ARHGAP10: variants seen among roughly 807,000 people sequenced by gnomAD.
The protein encoded by ARHGAP10 is rho GTPase-activating protein 10.
Under a neutral mutation model 108.6 loss-of-function variants are expected in ARHGAP10, and 87 were observed. The observed-to-expected ratio is 0.80, with a 90% CI of 0.67 to 0.96. The LOEUF (loss-of-function observed/expected upper bound fraction) is 0.96. ARHGAP10 is among the 40% of genes least tolerant of loss of function. The pLI is 0.00. For missense variants in ARHGAP10, 939 were observed against 954.5 expected (o/e 0.98, Z 0.21); for synonymous variants, 347 against 341.1 (o/e 1.02, Z -0.19).
At chr4:148,055,796 A>T (rs1345432827) in intron 20 of ARHGAP10, among the ~76,000 whole-genome samples, 2 of 152,118 alleles carry the variant, frequency 1.3e-5, no homozygotes, top group East Asian at 3.9e-4. Context: ...AGATGATCTT[A>T]TACAGTTGAA....
chr4:147,852,730 T>A (rs1560790722), intron 4 of ARHGAP10, among the ~76,000 whole-genome samples: 3 of 16,330 alleles, frequency 1.8e-4, no homozygotes, highest in African/African-American at 6.3e-4. Context: ...TTTTTTTTTT[T>A]AAAATGGAGC....
chr4:147,890,493 G>T (rs1303818204), intron 10 of ARHGAP10, among the ~76,000 whole-genome samples: 1 of 152,268 alleles, frequency 6.6e-6, no homozygotes, highest in Admixed American at 6.5e-5. Context: ...ACAATGAAAT[G>T]GTCAAAAGAC....
At chr4:147,869,722 C>T (rs1458585773) in intron 7 of ARHGAP10, among the ~76,000 whole-genome samples, 4 of 151,898 alleles carry the variant, frequency 2.6e-5, no homozygotes, top group Admixed American at 6.6e-5. Flanking sequence ...TCTTACAACT[C>T]AGAGTTTCTC....
chr4:147,781,504 C>T (rs1210010470), intron 1 of ARHGAP10, among the ~76,000 whole-genome samples: 1 of 152,016 alleles, frequency 6.6e-6, no homozygotes, highest in African/African-American at 2.4e-5. Flanking sequence ...TTGTCAAGAC[C>T]CTCAACTATG....
intron 1 of ARHGAP10, among the ~76,000 whole-genome samples, chr4:147,737,589 G>C (rs960810318): frequency 6.6e-6 from 1 of 152,058 alleles, no homozygotes; most frequent in African/African-American, 2.4e-5. Flanking sequence ...ATTTTTTCCC[G>C]AATGGAAAGG....
At chr4:147,754,740 T>C (rs1043967787) in intron 1 of ARHGAP10, among the ~76,000 whole-genome samples, 5 of 152,158 alleles carry the variant, frequency 3.3e-5, no homozygotes, top group African/African-American at 1.2e-4. Flanking sequence ...CAAATATAAA[T>C]GATTTTGCTA....
At chr4:147,974,047 A>G (rs1012523345) in intron 18 of ARHGAP10, among the ~76,000 whole-genome samples, 3 of 152,120 alleles carry the variant, frequency 2.0e-5, no homozygotes, top group East Asian at 3.8e-4. Context: ...TCTTTTGGGT[A>G]TACACCTAGC....
chr4:147,952,721 T>TC (rs1738651664), intron 15 of ARHGAP10, among the ~76,000 whole-genome samples: 1 of 152,138 alleles, frequency 6.6e-6, no homozygotes, highest in African/African-American at 2.4e-5. Flanking sequence ...TTTTGTTCTC[T>TC]CAATAGTGTC....
chr4:147,854,733 A>G (rs2126828581), intron 4 of ARHGAP10: 3 of 984,754 alleles, frequency 3.0e-6, no homozygotes, highest in Non-Finnish European at 3.6e-6. Flanking sequence ...CATTAAGAAC[A>G]AATGCAGGAA....
chr4:147,997,573 T>C (rs1011910988), intron 18 of ARHGAP10, among the ~76,000 whole-genome samples: 5 of 152,160 alleles, frequency 3.3e-5, no homozygotes, highest in African/African-American at 9.7e-5. Context: ...GCATTGGATG[T>C]GGAGGACAAA....
chr4:147,888,069 C>G (rs1735641476), intron 10 of ARHGAP10, among the ~76,000 whole-genome samples: 1 of 152,152 alleles, frequency 6.6e-6, no homozygotes, highest in African/African-American at 2.4e-5. Context: ...CTCCATCATA[C>G]ACTTGCTTCA....
chr4:147,820,835 C>T (rs2126784352), intron 1 of ARHGAP10, among the ~76,000 whole-genome samples: 1 of 152,204 alleles, frequency 6.6e-6, no homozygotes, highest in Non-Finnish European at 1.5e-5. Context: ...AAGTGATCTG[C>T]CCACCTTGGC....
At chr4:147,775,171 C>T (rs544750192) in intron 1 of ARHGAP10, among the ~76,000 whole-genome samples, 1 of 152,202 alleles carries the variant, frequency 6.6e-6, no homozygotes, top group Admixed American at 6.5e-5. Flanking sequence ...CCTCGGCCCC[C>T]CAAAGTGCTG....
intron 1 of ARHGAP10, among the ~76,000 whole-genome samples, chr4:147,815,713 G>T (rs913037803): frequency 1.7e-5 from 1 of 60,568 alleles, no homozygotes; most frequent in Non-Finnish European, 3.2e-5. Context: ...AAAAATAGGC[G>T]ATAGGCGTGG....
chr4:147,909,703 A>C (rs779600081), intron 11 of ARHGAP10, 29 bp from the exon 12 acceptor site: 13 of 1,591,950 alleles, frequency 8.2e-6, no homozygotes, highest in East Asian at 2.2e-5. Context: ...TTGATTAAAA[A>C]ATTCTGTTTT....
At chr4:147,989,359 G>A (rs1482075461) in intron 18 of ARHGAP10, among the ~76,000 whole-genome samples, 2 of 152,270 alleles carry the variant, frequency 1.3e-5, no homozygotes, top group African/African-American at 4.8e-5. Context: ...CATCTTATCA[G>A]GAGACAGGGT....
intron 18 of ARHGAP10, among the ~76,000 whole-genome samples, chr4:147,989,498 C>T (rs1385357346): frequency 6.6e-6 from 1 of 152,088 alleles, no homozygotes; most frequent in Non-Finnish European, 1.5e-5. Flanking sequence ...ACAGGTACGC[C>T]CTGGGGGGAC....
At chr4:148,001,835 A>G (rs1372160631) in intron 18 of ARHGAP10, among the ~76,000 whole-genome samples, 1 of 152,150 alleles carries the variant, frequency 6.6e-6, no homozygotes, top group Admixed American at 6.5e-5. Context: ...GGGTTTTCTA[A>G]ATATGCAGTC....
intron 13 of ARHGAP10, among the ~76,000 whole-genome samples, chr4:147,921,311 G>A (rs1331331887): frequency 6.6e-6 from 1 of 152,214 alleles, no homozygotes; most frequent in Admixed American, 6.5e-5. Context: ...CGTATATCAG[G>A]AGCACTAGGG....
Sources: gnomAD v4.1 joint callset for allele counts (sites outside exome capture counted in the v4.1 genomes callset) on GRCh38, gnomAD v4.1.1 for gene constraint, MANE v1.5 for transcripts, NCBI Gene and HGNC (gene_info 2026-07-23, HGNC 2026-07-21) for gene names.